Variants in LRTM2 observed in about 807,000 individuals in gnomAD.
LRTM2 encodes leucine-rich repeat and transmembrane domain-containing protein 2.
Under a neutral mutation model 28.1 loss-of-function variants are expected in LRTM2, and 18 were observed. That is an observed-to-expected ratio of 0.64 (90% CI 0.44 to 0.95). The LOEUF (loss-of-function observed/expected upper bound fraction) is 0.95. LRTM2 is among the 40% of genes least tolerant of loss of function. The probability of loss-of-function intolerance (pLI) is 0.00; values close to 1 mark genes in which losing one functional copy is unlikely to be tolerated. For synonymous variants in LRTM2, 250 were observed against 218.7 expected, an observed-to-expected ratio of 1.14 and a Z score of -1.26; for missense variants, 436 against 497.2, an observed-to-expected ratio of 0.88 and a Z score of 1.17.
At chr12:1,821,474 A>T (rs768837329) in intron 1 of LRTM2, among the ~76,000 whole-genome samples, 1 of 152,186 alleles carries the variant, frequency 6.6e-6, no homozygotes, top group Non-Finnish European at 1.5e-5. Flanking sequence ...AGAGAGAAGT[A>T]TCGCAGCCCT....
At chr12:1,830,749 A>G (rs35791125) in intron 3 of LRTM2, among the ~76,000 whole-genome samples, 186 bp from the exon 4 acceptor site, 28,256 of 152,192 alleles carry the variant, frequency 0.19, 2,918 homozygotes, top group African/African-American at 0.22. Flanking sequence ...GTCCATTAAT[A>G]TGGAAGTGGC....
chr12:1,830,135 G>A (rs1864555745), intron 3 of LRTM2, among the ~76,000 whole-genome samples: 1 of 152,258 alleles, frequency 6.6e-6, no homozygotes, highest in African/African-American at 2.4e-5. Flanking sequence ...AGGAACAGAA[G>A]CCCAGGCTGA....
chr12:1,828,091 C>A lies in LRTM2; in HGVS notation c.-58C>A. ...CCTCCCTCAGGACTGACAGGCGGCG[C>A]ACCCAGGGGCTCCTCTCTCCCCAGA... On this transcript the variant is annotated 5_prime_UTR_variant, in exon 3 of 5. Transcript: ENST00000299194. This position sits in a 1 kb window ranked among gnomAD's most constrained non-coding sequence, Gnocchi z 4.2. The A allele has an allele frequency of 1.4e-6, 2 of 1,445,944 alleles. No homozygotes were observed. The highest frequency in any genetic ancestry group is 1.8e-6 in the Non-Finnish European group (2 of 1,090,486). 89.6% of individuals were successfully genotyped at this position (1,445,944 alleles called of 1,614,324 possible).
chr12:1,834,893 C>A lies in LRTM2; in HGVS notation c.*172C>A. On this transcript the variant is annotated 3_prime_UTR_variant, in exon 5 of 5. Transcript: ENST00000299194. This position sits in a 1 kb window ranked among gnomAD's most constrained non-coding sequence, Gnocchi z 7.6. ...TCTCTCCCTGCACTTTCGAGGCTCC[C>A]TGAAAGCCACCGTGCTGGGGGCTCC... 1 of 1,291,002 alleles carries A rather than the reference C, an allele frequency of 7.7e-7. No individual in the cohort carries two copies. The highest frequency in any genetic ancestry group is 1.0e-6 in the Non-Finnish European group (1 of 971,156). The allele number at this position is 1,291,002 out of a possible 1,614,324, so 80.0% of individuals were successfully genotyped here. A position where few individuals can be genotyped will look rare whatever the true frequency, so the allele number is the denominator to read the frequency against.
At position 1,828,484 on chromosome 12, in the gene LRTM2, C is replaced by T. The variant is rs540747984; in HGVS notation, c.67+269C>T. Among the ~76,000 whole-genome samples, 1 of 152,354 alleles carries T rather than the reference C, an allele frequency of 6.6e-6. No individual in the cohort carries two copies. The highest frequency in any genetic ancestry group is 1.9e-4 in the East Asian group (1 of 5,184). ...GTTGTTCTACCTCCCCCAGGTAAGT[C>T]TCTGTGAGCTTGCTGGGGTCCCCAA... On this transcript the variant is annotated intron_variant, in intron 3 of 4. Transcript: ENST00000299194. This position sits in a 1 kb window ranked among gnomAD's most constrained non-coding sequence, Gnocchi z 4.2.
chr12:1,821,989 C>G (rs531010098), intron 1 of LRTM2: 1 of 152,104 alleles, frequency 6.6e-6, no homozygotes, highest in East Asian at 1.9e-4. Flanking sequence ...GGAGCTGAGG[C>G]GGGGGAAGTC....
chr12:1,831,567 G>C (rs202139748), intron 4 of LRTM2, 42 bp downstream of exon 4: 3 of 1,510,466 alleles, frequency 2.0e-6, no homozygotes, highest in Non-Finnish European at 2.7e-6. Context: ...GGATTGGGAC[G>C]ATCACCTCTG....
Position 1,831,523 on chromosome 12 carries a change from G to A in LRTM2, c.656G>A (p.Arg219Gln), listed in dbSNP as rs1416231172. The stretch of plus-strand genomic sequence containing the variant: ...CACTGGATGGAGTGGTTCTCCTACC[G>A]AGGTGAGCGCAGCCGGCCCTGCTGG... The part of the protein sequence containing the change: ...FKHWMEWFSY[R>Q]GGRLDQLACT... Residue 219 changes from arginine to glutamine, a missense_variant and splice_region_variant, in exon 4 of 5, where the codon CGA (arginine) becomes CAA (glutamine). By Grantham distance (43) the Arg-to-Gln change is conservative. Transcript: ENST00000299194. 5 of 1,610,818 alleles carry A rather than the reference G, an allele frequency of 3.1e-6. No homozygotes were observed. The highest frequency in any genetic ancestry group is 2.2e-5 in the East Asian group (1 of 44,876).
At position 1,834,739 on chromosome 12, in the gene LRTM2, G is replaced by T; in HGVS notation, c.*18G>T. ...TGGCCTGAGCGCCCATCCCCACCCG[G>T]CCAGGTAGGAAGGGCGGGGAGAGCA... On this transcript the variant is annotated 3_prime_UTR_variant, in exon 5 of 5. Coordinates refer to ENST00000299194, the MANE Select transcript of LRTM2 (RefSeq NM_001039029.3). The surrounding 1 kb of genome is among the most constrained non-coding windows in gnomAD (Gnocchi z 7.6). 11 of 1,570,264 alleles carry T rather than the reference G, an allele frequency of 7.0e-6. No individual in the cohort carries two copies. Among genetic ancestry groups the T allele is most frequent in the Non-Finnish European group, 9.5e-6 (11 of 1,159,916 alleles).
At chr12:1,832,142 T>C (rs1450319209) in intron 4 of LRTM2, among the ~76,000 whole-genome samples, 1 of 152,218 alleles carries the variant, frequency 6.6e-6, no homozygotes, top group Non-Finnish European at 1.5e-5. Flanking sequence ...AGTGCTGTAA[T>C]GACCTATGAC....
rs1204365462 is a variant in LRTM2, at chr12:1,831,412, TGAC to T, written c.546_548del (p.Thr183del). On this transcript the variant is annotated inframe_deletion, in exon 4 of 5. Coordinates refer to ENST00000299194, the MANE Select transcript of LRTM2 (RefSeq NM_001039029.3). ...AACCGTCTGCAGAATCTGGACCGGC[TGAC>T]ATTTGAACCCCTAGCAAACCTGCAG... The T allele has an allele frequency of 6.2e-7, 1 of 1,614,146 alleles. No homozygotes were observed. Among genetic ancestry groups the T allele is most frequent in the South Asian group, 1.1e-5 (1 of 91,086 alleles).
rs909096277 is a variant in LRTM2, at chr12:1,836,635, G to C, written c.*1914G>C. 9 of 152,682 alleles carry C rather than the reference G, an allele frequency of 5.9e-5. No individual in the cohort carries two copies. The highest frequency in any genetic ancestry group is 1.3e-4 in the Non-Finnish European group (9 of 68,068). 9.5% of individuals were successfully genotyped at this position (152,682 alleles called of 1,614,324 possible). A position where few individuals can be genotyped will look rare whatever the true frequency, so the allele number is the denominator to read the frequency against. On this transcript the variant is annotated 3_prime_UTR_variant, in exon 5 of 5. Transcript: ENST00000299194. ...GGGGATTTTCTAAAGGGACTGGGGG[G>C]AGGGGAGGGCATTGTCAATGGTGGT...
In LRTM2 at chr12:1,834,067, C is replaced by T. The variant is rs1008180203; in HGVS notation, c.659-200C>T. 5.3e-5 allele frequency among the ~76,000 whole-genome samples: 8 copies of T among 152,222 alleles called. No homozygotes were observed. Among genetic ancestry groups the T allele is most frequent in the East Asian group, 1.9e-4 (1 of 5,204 alleles). On this transcript the variant is annotated intron_variant, in intron 4 of 4. Transcript: ENST00000299194. This position sits in a 1 kb window ranked among gnomAD's most constrained non-coding sequence, Gnocchi z 7.6. ...TGCGAGGATGAAATGGCACGATATA[C>T]GTAACTCACTGTGGACTTGGCTCAA...
rs1864791227 is a variant in LRTM2 at position 1,834,915 on chromosome 12, C to T, written c.*194C>T. On this transcript the variant is annotated 3_prime_UTR_variant, in exon 5 of 5. Coordinates refer to ENST00000299194, the MANE Select transcript of LRTM2 (RefSeq NM_001039029.3). The surrounding 1 kb of genome is among the most constrained non-coding windows in gnomAD (Gnocchi z 7.6). The stretch of plus-strand genomic sequence containing the variant: ...TCCCTGAAAGCCACCGTGCTGGGGG[C>T]TCCTGCTGATGCTCCTGTCTGGGCC... The T allele has an allele frequency of 3.8e-6, 4 of 1,043,934 alleles. No individual in the cohort carries two copies. Among genetic ancestry groups the T allele is most frequent in the Non-Finnish European group, 5.3e-6 (4 of 748,512 alleles). The allele number at this position is 1,043,934 out of a possible 1,614,324, so 64.7% of individuals were successfully genotyped here.
intron 4 of LRTM2, among the ~76,000 whole-genome samples, chr12:1,832,122 A>C (rs1469990632): frequency 6.6e-6 from 1 of 152,170 alleles, no homozygotes; most frequent in East Asian, 1.9e-4. Context: ...CATTTTCTTT[A>C]ATATGGGAAA....
chr12:1,822,000 C>T (rs1592675643), intron 1 of LRTM2: 1 of 152,058 alleles, frequency 6.6e-6, no homozygotes, highest in Non-Finnish European at 1.5e-5. Flanking sequence ...GGGGGAAGTC[C>T]AGCTGGTAGG....
rs1490662252 is a variant in LRTM2 at position 1,831,109 on chromosome 12, G to C, written c.242G>C (p.Ser81Thr). Residue 81 changes from serine (S) to threonine (T), a missense_variant, in exon 4 of 5, where the codon AGT (serine) becomes ACT (threonine). By Grantham distance (58) the Ser-to-Thr change is moderately conservative. Coordinates refer to ENST00000299194, the MANE Select transcript of LRTM2 (RefSeq NM_001039029.3). ...RTLLLLNNKL[S>T]ALPSWAFANL... ...CTCTTGCTCTTGAACAATAAGCTGA[G>C]TGCCCTGCCAAGCTGGGCTTTCGCC... The C allele has an allele frequency of 5.0e-6, 8 of 1,613,884 alleles. No homozygotes were observed. In the African/African-American group the frequency reaches 1.1e-4, roughly 22 times the overall value.
Position 1,834,569 on chromosome 12 carries a change from G to A in LRTM2, c.961G>A (p.Val321Ile), listed in dbSNP as rs1482209245. The change falls in exon 5 of 5, where the codon GTC becomes ATC. Residue 321 changes from valine (V) to isoleucine (I), a missense_variant. Val to Ile is a conservative substitution (Grantham distance 29). Transcript: ENST00000299194. This position sits in a 1 kb window ranked among gnomAD's most constrained non-coding sequence, Gnocchi z 7.6. The stretch of plus-strand genomic sequence containing the variant: ...CATTGCAGGGGTCGTGTGCGGCGTC[G>A]TCTGCATCATGATGGTGGTGGCCGC... ...VIIAGVVCGV[V>I]CIMMVVAAAY... is the part of the protein sequence containing the mutation. 16 of 1,601,518 alleles carry A rather than the reference G, an allele frequency of 1.0e-5. No homozygotes were observed. The highest frequency in any genetic ancestry group is 9.3e-5 in the African/African-American group (7 of 74,926).
At position 1,833,064 on chromosome 12, in the gene LRTM2, C is replaced by T. The variant is rs1032848129; in HGVS notation, c.659-1203C>T. 3.9e-5 allele frequency among the ~76,000 whole-genome samples: 6 copies of T among 152,094 alleles called. No homozygotes were observed. The highest frequency in any genetic ancestry group is 2.1e-4 in the South Asian group (1 of 4,816). On this transcript the variant is annotated intron_variant, in intron 4 of 4. Transcript: ENST00000299194. The surrounding 1 kb of genome is among the most constrained non-coding windows in gnomAD (Gnocchi z 4.2). ...TCAGACCCTCCTCTCCTGTGGTCGC[C>T]GGGAACTGAATTCCCAGCACAAAAA...
Sources: allele counts gnomAD v4.1 joint callset (sites outside exome capture counted in the v4.1 genomes callset), GRCh38; gene constraint gnomAD v4.1.1; non-coding constraint Gnocchi (gnomAD v3.1); transcripts MANE v1.5; gene names NCBI Gene and HGNC (gene_info 2026-07-23, HGNC 2026-07-21).